The following UBE4B variants were observed in gnomAD, a reference collection of about 807,000 sequenced individuals.
UBE4B encodes the protein ubiquitination factor E4B.
In UBE4B, 27 loss-of-function variants were observed where a neutral mutation model predicts 148.1. The ratio of observed to expected loss-of-function variants is 0.18; its 90% CI spans 0.13 to 0.25. UBE4B has a LOEUF of 0.25. Among genes scored for constraint, UBE4B ranks in the 10% least tolerant of loss-of-function variants. UBE4B has a pLI of 1.00. For missense variants in UBE4B, 1,170 were observed against 1,662.4 expected (o/e 0.70, Z 5.15); for synonymous variants, 596 against 619.3 (o/e 0.96, Z 0.56).
chr1:10,056,431 A>G (rs1038756059), intron 1 of UBE4B, among the ~76,000 whole-genome samples: 2 of 152,216 alleles, frequency 1.3e-5, no homozygotes, highest in African/African-American at 2.4e-5. Flanking sequence ...GCAAATATTT[A>G]CCGAGTGCTC....
chr1:10,034,304 A>G (rs1643414601), intron 1 of UBE4B, among the ~76,000 whole-genome samples: 1 of 152,264 alleles, frequency 6.6e-6, no homozygotes. Flanking sequence ...GTTACATTCT[A>G]TCTTTTCCTA....
rs1367587731 is a variant in UBE4B at position 10,106,538 on chromosome 1, C to T, written c.1151C>T (p.Pro384Leu). The change falls in exon 7 of 28, where the codon CCC becomes CTC. Residue 384 changes from proline (P) to leucine (L), a missense_variant. This residue lies in a region of UBE4B where 214 missense variants were observed against 209.1 expected (regional missense o/e 1.02). Coordinates refer to ENST00000343090, the MANE Select transcript of UBE4B (RefSeq NM_001105562.3). The surrounding 1 kb of genome is among the most constrained non-coding windows in gnomAD (Gnocchi z 4.2). Reference protein sequence around the residue: ...STGPPLPPASPSATSRRPSSL... With the variant: ...STGPPLPPASLSATSRRPSSL... ...GGTCCACCCCTACCACCCGCCTCACCCAGTGCCACGAGCAGACGCCCCTCC... is the reference window on the plus strand; with the variant it reads ...GGTCCACCCCTACCACCCGCCTCACTCAGTGCCACGAGCAGACGCCCCTCC... The T allele has an allele frequency of 6.2e-7, 1 of 1,600,444 alleles. No homozygotes were observed. The highest frequency in any genetic ancestry group is 8.5e-7 in the Non-Finnish European group (1 of 1,175,856).
intron 1 of UBE4B, among the ~76,000 whole-genome samples, chr1:10,065,806 G>T (rs371232127): frequency 2.3e-4 from 35 of 152,130 alleles, no homozygotes; most frequent in African/African-American, 8.2e-4. Context: ...CTGTGTCATT[G>T]CCATTTGCAT....
chr1:10,106,681 A>T lies in UBE4B; in HGVS notation c.1196+98A>T. On this transcript the variant is annotated intron_variant, in intron 7 of 27. Transcript: ENST00000343090. The surrounding 1 kb of genome is among the most constrained non-coding windows in gnomAD (Gnocchi z 4.2). ...GTGCTGTGTGACACTGACTCTGTTAAATTGTTGTTTTGGGTTATTAACCTG... is the reference window on the plus strand; with the variant it reads ...GTGCTGTGTGACACTGACTCTGTTATATTGTTGTTTTGGGTTATTAACCTG... The T allele has an allele frequency of 2.1e-6, 3 of 1,429,062 alleles. No individual in the cohort carries two copies. Among genetic ancestry groups the T allele is most frequent in the Non-Finnish European group, 2.7e-6 (3 of 1,091,780 alleles). 88.5% of individuals were successfully genotyped at this position (1,429,062 alleles called of 1,614,324 possible). A position where few individuals can be genotyped will look rare whatever the true frequency, so the allele number is the denominator to read the frequency against.
intron 1 of UBE4B, among the ~76,000 whole-genome samples, chr1:10,063,308 G>T (rs1644323184): frequency 6.6e-6 from 1 of 152,080 alleles, no homozygotes; most frequent in Non-Finnish European, 1.5e-5. Context: ...CAACCTGTAG[G>T]ACATTTTTGG....
At chr1:10,155,421 G>A (rs1646053121) in intron 21 of UBE4B, among the ~76,000 whole-genome samples, 1 of 152,214 alleles carries the variant, frequency 6.6e-6, no homozygotes, top group South Asian at 2.1e-4. Context: ...AAAGGGTCAA[G>A]AAGCTTGCTG....
At chr1:10,109,216 G>T (rs1645173984) in intron 7 of UBE4B, among the ~76,000 whole-genome samples, 1 of 152,090 alleles carries the variant, frequency 6.6e-6, no homozygotes, top group African/African-American at 2.4e-5. Flanking sequence ...GGGGGGGCCG[G>T]GGGGACAGAC....
Position 10,178,799 on chromosome 1 carries a change from C to T in UBE4B, c.3681C>T (p.Asp1227=), listed in dbSNP as rs749010304. Residue 1227 remains aspartate (D), a synonymous_variant, in exon 26 of 28, where the codon GAC becomes GAT. Transcript: ENST00000343090. The part of the protein sequence containing the change: ...KNARAEIDYS[D]APDEFRDPLM... ...CACGCGCAGAAATCGACTACAGCGA[C>T]GCTCCTGATGAGTTCAGAGGCAAGT... 71 of 1,612,040 alleles carry T rather than the reference C, an allele frequency of 4.4e-5. No individual in the cohort carries two copies. The South Asian group carries it at 5.6e-4, about 13-fold the overall frequency.
Position 10,181,112 on chromosome 1 carries a change from T to C in UBE4B, c.*1156T>C, listed in dbSNP as rs757267546. The C allele has an allele frequency of 6.6e-6, 1 of 152,526 alleles. No individual in the cohort carries two copies. The highest frequency in any genetic ancestry group is 1.5e-5 in the Non-Finnish European group (1 of 68,018). The allele number at this position is 152,526 out of a possible 1,614,324, so 9.4% of individuals were successfully genotyped here. On this transcript the variant is annotated 3_prime_UTR_variant, in exon 28 of 28. Transcript: ENST00000343090. ...AAAAGGATTTGAAACCATAAAGTGT[T>C]CTGAAGAAATTAAGTCTATAAAAAG... is the stretch of plus-strand genomic sequence containing the variant.
At chr1:10,061,912 CTTTTT>C (rs767477329) in intron 1 of UBE4B, among the ~76,000 whole-genome samples, 1 of 138,270 alleles carries the variant, frequency 7.2e-6, no homozygotes, top group African/African-American at 2.6e-5. Context: ...CTTCTTTTTT[CTTTTT>C]TTTTTTTTTT....
In UBE4B at chr1:10,131,354, G is replaced by A. The variant is rs528425598; in HGVS notation, c.1911+541G>A. 2.6e-5 allele frequency among the ~76,000 whole-genome samples: 4 copies of A among 152,200 alleles called. No homozygotes were observed. In the East Asian group the frequency reaches 7.7e-4, roughly 29 times the overall value. The stretch of plus-strand genomic sequence containing the variant: ...TAGCCAGGCATGGCAGCGCGTGCCT[G>A]TAATCCCAGCTACCTAGCTACTCGG... On this transcript the variant is annotated intron_variant, in intron 14 of 27. Transcript: ENST00000343090.
chr1:10,122,893 A>G (rs1015681096), intron 10 of UBE4B, among the ~76,000 whole-genome samples: 7 of 152,188 alleles, frequency 4.6e-5, no homozygotes, highest in African/African-American at 1.2e-4. Flanking sequence ...TATACCTAAG[A>G]TTATTTATAA....
chr1:10,164,604 G>A (rs1338714347), intron 23 of UBE4B, among the ~76,000 whole-genome samples: 1 of 152,232 alleles, frequency 6.6e-6, no homozygotes, highest in Non-Finnish European at 1.5e-5. Flanking sequence ...TGAGCCAACT[G>A]AACAAATAAT....
chr1:10,109,205 C>T (rs1021237607), intron 7 of UBE4B, among the ~76,000 whole-genome samples: 5 of 149,530 alleles, frequency 3.3e-5, no homozygotes, highest in East Asian at 2.0e-4. Flanking sequence ...GCAGGGGGAA[C>T]GGGGGGGCCG....
intron 17 of UBE4B, 37 bp from the exon 18 acceptor site, chr1:10,144,903 T>G: frequency 6.6e-7 from 1 of 1,511,106 alleles, no homozygotes; most frequent in Non-Finnish European, 9.2e-7. Flanking sequence ...TGGATCCGGC[T>G]GTTTTCTTTC....
rs139439907 is a variant in UBE4B, at chr1:10,119,171, G to A, written c.1339-342G>A. 4.6e-3 allele frequency among the ~76,000 whole-genome samples: 703 copies of A among 151,936 alleles called. 3 individuals carry two copies. The highest frequency in any genetic ancestry group is 0.01 in the Middle Eastern group (3 of 294). ...GCTGAGATTACAGGCGTGAGCCACC[G>A]TGCCCGGCCCAGGCTAGTCTTAAAC... On this transcript the variant is annotated intron_variant, in intron 8 of 27. Transcript: ENST00000343090.
chr1:10,084,985 T>C lies in UBE4B; in HGVS notation c.212-10476T>C, dbSNP rs557362881. ...TCCCAGAGTGTTAGGATTACAGGCA[T>C]GAGCCACTGTACCCGGCCTCTCTCC... On this transcript the variant is annotated intron_variant, in intron 2 of 27. Coordinates refer to ENST00000343090, the MANE Select transcript of UBE4B (RefSeq NM_001105562.3). Among the ~76,000 whole-genome samples, 204 of 152,220 alleles carry C rather than the reference T, an allele frequency of 1.3e-3. 1 individual carries two copies. In the South Asian group the frequency reaches 0.014, roughly 11 times the overall value.
chr1:10,103,256 T>C, intron 5 of UBE4B, 164 bp downstream of exon 5: 1 of 595,460 alleles, frequency 1.7e-6, no homozygotes, highest in Non-Finnish European at 2.8e-6. Flanking sequence ...GCCACTTTCT[T>C]CCCTTTCCAC....
intron 2 of UBE4B, among the ~76,000 whole-genome samples, chr1:10,090,202 C>T (rs1296175482): frequency 6.6e-6 from 1 of 151,978 alleles, no homozygotes; most frequent in Non-Finnish European, 1.5e-5. Context: ...TCACTGCAGC[C>T]TCAGCCTCCT....
Sources: gnomAD v4.1 joint callset for allele counts (sites outside exome capture counted in the v4.1 genomes callset) on GRCh38, gnomAD v4.1.1 for gene constraint, gnomAD v4.1.1 regional missense constraint, Gnocchi (gnomAD v3.1) non-coding constraint, MANE v1.5 for transcripts, NCBI Gene and HGNC (gene_info 2026-07-23, HGNC 2026-07-21) for gene names.